FRY: variants seen among roughly 807,000 people sequenced by gnomAD.
The protein encoded by FRY is protein furry homolog.
A neutral mutation model predicts 348.4 loss-of-function variants in FRY; 128 were observed. The observed-to-expected ratio is 0.37, with a 90% confidence interval of 0.32 to 0.43. FRY has a LOEUF of 0.43. Among genes scored for constraint, FRY ranks in the 20% least tolerant of loss-of-function variants. The pLI is 1.00. For missense variants in FRY, 2,736 were observed against 3,695.2 expected, an observed-to-expected ratio of 0.74 and a Z score of 6.73; for synonymous variants, 1,370 against 1,374.7, an observed-to-expected ratio of 1.00 and a Z score of 0.08.
At chr13:32,281,778 C>G (rs1256508436) in intron 58 of FRY, among the ~76,000 whole-genome samples, 1 of 152,180 alleles carries the variant, frequency 6.6e-6, no homozygotes, top group African/African-American at 2.4e-5. Context: ...AAGAAGTTGG[C>G]AATCCTAGTA....
chr13:32,256,624 C>A (rs1278698480), intron 51 of FRY, among the ~76,000 whole-genome samples: 1 of 152,044 alleles, frequency 6.6e-6, no homozygotes, highest in Non-Finnish European at 1.5e-5. Flanking sequence ...GAATGTTTTG[C>A]TACTTCCCAA....
At chr13:32,109,355 T>C (rs1298570805) in intron 3 of FRY, among the ~76,000 whole-genome samples, 1 of 152,186 alleles carries the variant, frequency 6.6e-6, no homozygotes, top group African/African-American at 2.4e-5. Context: ...AAGACAGTTA[T>C]CTACACAAAT....
chr13:32,183,130 C>T, intron 24 of FRY, 96 bp downstream of exon 24: 1 of 691,120 alleles, frequency 1.4e-6, no homozygotes, highest in Non-Finnish European at 2.6e-6. Flanking sequence ...AATACAAACC[C>T]CTAACACCTT....
At position 32,261,694 on chromosome 13, in the gene FRY, C is replaced by A. The variant is rs559756622; in HGVS notation, c.7495C>A (p.Leu2499Met). ...CCTGGATAAGTGTGATATGCAGATT[C>A]TGGAGGAGCGCCAACTGTCAGGAAG... Reference protein sequence around the residue: ...DSLDKCDMQILEERQLSGSTP... With the variant: ...DSLDKCDMQIMEERQLSGSTP... The change falls in exon 52 of 61, where the codon CTG (leucine) becomes ATG (methionine). Residue 2499 changes from leucine (L) to methionine (M), a missense_variant. Transcript: ENST00000542859. 81 of 1,614,096 alleles carry A rather than the reference C, an allele frequency of 5.0e-5. 3 individuals are homozygous for A. The South Asian group carries it at 8.0e-4, about 16-fold the overall frequency.
rs1171366134 is a variant in FRY, at chr13:32,212,294, A to G, written c.4594A>G (p.Thr1532Ala). ...SSKASAAASG[T>A]TSSSNTVVAG... ...TTTTCTTCCATTCCCATCTACAGGAACCACCTCTAGCAGCAATACAGTGGT... is the reference window on the plus strand; with the variant it reads ...TTTTCTTCCATTCCCATCTACAGGAGCCACCTCTAGCAGCAATACAGTGGT... Residue 1532 changes from threonine to alanine, a missense_variant and splice_region_variant, in exon 35 of 61, where the codon ACC (threonine) becomes GCC (alanine). Thr to Ala is a moderately conservative substitution (Grantham distance 58). Around this residue, in one of 9 missense-constraint regions of FRY, gnomAD observed 794 missense variants for 977.0 expected, o/e 0.81. Transcript: ENST00000542859. The G allele has an allele frequency of 3.1e-6, 5 of 1,597,060 alleles. No individual in the cohort carries two copies. The highest frequency in any genetic ancestry group is 2.2e-5 in the East Asian group (1 of 44,674).
At chr13:32,118,109 G>A (rs764673102) in intron 4 of FRY, among the ~76,000 whole-genome samples, 16 of 152,222 alleles carry the variant, frequency 1.1e-4, no homozygotes, top group Non-Finnish European at 2.4e-4. Flanking sequence ...ATCAGCATCT[G>A]TAAAACTTAA....
At chr13:32,144,549 A>C (rs1880282717) in intron 11 of FRY, among the ~76,000 whole-genome samples, 1 of 152,108 alleles carries the variant, frequency 6.6e-6, no homozygotes, top group Non-Finnish European at 1.5e-5. Flanking sequence ...ATTCAGTAAC[A>C]GTTTAAAGAT....
chr13:32,228,425 A>G (rs1274567947), intron 39 of FRY, 31 bp from the exon 40 acceptor site: 2 of 1,532,392 alleles, frequency 1.3e-6, no homozygotes, highest in Admixed American at 1.7e-5. Flanking sequence ...ACTGCCTAGT[A>G]CATCCCTCCT....
At chr13:32,183,924 G>T (rs2138259398) in intron 24 of FRY, among the ~76,000 whole-genome samples, 1 of 152,234 alleles carries the variant, frequency 6.6e-6, no homozygotes, top group Non-Finnish European at 1.5e-5. Flanking sequence ...ATTACTTGAG[G>T]CTAAGAGTTT....
intron 37 of FRY, 88 bp downstream of exon 37, chr13:32,224,473 C>T (rs1566146303): frequency 8.3e-7 from 1 of 1,200,908 alleles, no homozygotes; most frequent in Non-Finnish European, 1.2e-6. Flanking sequence ...CCAGGTCCCA[C>T]CACATTAAAT....
intron 36 of FRY, among the ~76,000 whole-genome samples, chr13:32,219,852 A>G (rs1165183220): frequency 6.6e-6 from 1 of 152,164 alleles, no homozygotes; most frequent in African/African-American, 2.4e-5. Flanking sequence ...GAATTTCTCA[A>G]TGGCATAGTC....
At chr13:32,221,722 A>G (rs891134760) in intron 36 of FRY, among the ~76,000 whole-genome samples, 4 of 152,218 alleles carry the variant, frequency 2.6e-5, no homozygotes, top group Admixed American at 2.6e-4. Context: ...CATGCTGGCC[A>G]CACTGGTCTT....
At chr13:32,149,089 A>G (rs887054263) in intron 13 of FRY, among the ~76,000 whole-genome samples, 10 of 148,350 alleles carry the variant, frequency 6.7e-5, no homozygotes, top group African/African-American at 2.4e-4. Context: ...TAAAAATTAT[A>G]TATATTAATT....
intron 28 of FRY, among the ~76,000 whole-genome samples, chr13:32,193,818 C>T (rs1000954855): frequency 9.9e-5 from 15 of 151,804 alleles, no homozygotes; most frequent in Admixed American, 1.3e-4. Flanking sequence ...GAACTCCTGA[C>T]CTCAGGTAAT....
chr13:32,208,740 A>C, intron 31 of FRY, 113 bp from the exon 32 acceptor site: 1 of 1,317,022 alleles, frequency 7.6e-7, no homozygotes, highest in Non-Finnish European at 1.1e-6. Flanking sequence ...CCTGTATGTG[A>C]AAATGTTTTG....
chr13:32,194,405 A>G, intron 29 of FRY, 108 bp downstream of exon 29: 3 of 972,932 alleles, frequency 3.1e-6, no homozygotes, highest in Non-Finnish European at 4.9e-6. Flanking sequence ...AGTAAGTTCT[A>G]TGAGAATATA....
rs573221411 is a variant in FRY at position 32,151,084 on chromosome 13, C to A, written c.1479+1250C>A. Among the ~76,000 whole-genome samples, 374 of 152,282 alleles carry A rather than the reference C, an allele frequency of 2.5e-3. 2 individuals carry two copies. The highest frequency in any genetic ancestry group is 4.0e-3 in the Non-Finnish European group (271 of 68,018). On this transcript the variant is annotated intron_variant, in intron 14 of 60. Coordinates refer to ENST00000542859, the MANE Select transcript of FRY (RefSeq NM_023037.3). Reference sequence around the variant, plus strand: ...AGCCTTCTCTTGCTGGGAAGGTTCTCAAGACATTATTCATTTCTTAGCAGT... The same window carrying A: ...AGCCTTCTCTTGCTGGGAAGGTTCTAAAGACATTATTCATTTCTTAGCAGT...
At chr13:32,294,594 G>T (rs1319123751) in intron 60 of FRY, 24 bp downstream of exon 60, 1 of 1,566,402 alleles carries the variant, frequency 6.4e-7, no homozygotes, top group Non-Finnish European at 8.8e-7. Context: ...TTCTTTTAGA[G>T]GTGGTTGCAG....
At position 32,065,926 on chromosome 13, in the gene FRY, T is replaced by G. The variant is rs1366450737; in HGVS notation, c.71-12908T>G. The stretch of plus-strand genomic sequence containing the variant: ...GCCCTTGTTTCTCTTTGTTAAAGTA[T>G]TATGAATCAAATATAGACATCATTT... On this transcript the variant is annotated intron_variant, in intron 1 of 60. Coordinates refer to ENST00000542859, the MANE Select transcript of FRY (RefSeq NM_023037.3). Among the ~76,000 whole-genome samples the G allele has an allele frequency of 5.9e-5, 9 of 152,156 alleles. No homozygotes were observed. In the East Asian group the frequency reaches 1.7e-3, roughly 29 times the overall value.
Sources: allele counts gnomAD v4.1 joint callset (sites outside exome capture counted in the v4.1 genomes callset), GRCh38; gene constraint gnomAD v4.1.1; regional missense constraint gnomAD v4.1.1; transcripts MANE v1.5; gene names NCBI Gene and HGNC (gene_info 2026-07-23, HGNC 2026-07-21).